The following KCNMA1 variants were observed in gnomAD, a reference collection of about 807,000 sequenced individuals.
KCNMA1 encodes potassium calcium-activated channel subfamily M alpha 1.
Under a neutral mutation model 140.0 loss-of-function variants are expected in KCNMA1, and 29 were observed. The observed-to-expected ratio is 0.21, with a 90% confidence interval of 0.15 to 0.28. The LOEUF is 0.28. Among genes scored for constraint, KCNMA1 ranks in the 10% least tolerant of loss-of-function variants. The probability of loss-of-function intolerance (pLI) is 1.00; values close to 1 mark genes in which losing one functional copy is unlikely to be tolerated. For synonymous variants in KCNMA1, 612 were observed against 611.9 expected (o/e 1.00, Z 0.00); for missense variants, 880 against 1,602.2 (o/e 0.55, Z 7.70).
At chr10:77,605,374 G>A (rs1016566808) in intron 1 of KCNMA1, among the ~76,000 whole-genome samples, 56 of 152,218 alleles carry the variant, frequency 3.7e-4, no homozygotes, top group Non-Finnish European at 5.3e-4. Flanking sequence ...CAAGTGGGAC[G>A]TGATTCCCAT....
intron 1 of KCNMA1, among the ~76,000 whole-genome samples, chr10:77,412,408 G>A (rs2096639666): frequency 6.6e-6 from 1 of 152,114 alleles, no homozygotes; most frequent in Admixed American, 6.5e-5. Flanking sequence ...TGTTGAAACT[G>A]ACCCAGCAGC....
rs559707657 is a variant in KCNMA1 at position 77,190,653 on chromosome 10, GA to G, written c.603-5738del. Among the ~76,000 whole-genome samples, 29 of 152,286 alleles carry G rather than the reference GA, an allele frequency of 1.9e-4. 1 individual carries two copies. In the South Asian group the frequency reaches 6.0e-3, roughly 32 times the overall value. ...CTGATGTGTCTGTTGGGTGGTCTAG[GA>G]AAATGCAGAGGAAGCAGATGTATTC... On this transcript the variant is annotated intron_variant, in intron 3 of 27. Coordinates refer to ENST00000286628, the MANE Select transcript of KCNMA1 (RefSeq NM_001161352.2).
intron 1 of KCNMA1, among the ~76,000 whole-genome samples, chr10:77,592,108 G>A (rs557058688): frequency 1.3e-5 from 2 of 152,242 alleles, no homozygotes; most frequent in East Asian, 3.9e-4. Context: ...GGAGGGAGCA[G>A]ATATTCCAGT....
chr10:77,532,873 G>C (rs1196123225), intron 1 of KCNMA1, among the ~76,000 whole-genome samples: 1 of 152,128 alleles, frequency 6.6e-6, no homozygotes, highest in East Asian at 1.9e-4. Flanking sequence ...ACTAACTTCT[G>C]AGTCCGGGCT....
At chr10:77,522,046 G>A (rs1209423619) in intron 1 of KCNMA1, among the ~76,000 whole-genome samples, 1 of 152,008 alleles carries the variant, frequency 6.6e-6, no homozygotes, top group Non-Finnish European at 1.5e-5. Flanking sequence ...GTGGTGGCAG[G>A]TCCCTGTAAT....
At chr10:77,134,928 G>A (rs1384413342) in intron 5 of KCNMA1, among the ~76,000 whole-genome samples, 2 of 135,000 alleles carry the variant, frequency 1.5e-5, no homozygotes, top group African/African-American at 2.7e-5. Context: ...AACCCGGGAG[G>A]TGGAGATTGC....
intron 15 of KCNMA1, among the ~76,000 whole-genome samples, chr10:77,035,068 C>T (rs2094226141): frequency 6.6e-6 from 1 of 152,178 alleles, no homozygotes; most frequent in Non-Finnish European, 1.5e-5. Context: ...ACCAAAAACA[C>T]TGTTATCAGT....
chr10:77,223,838 G>A (rs987481059), intron 3 of KCNMA1, among the ~76,000 whole-genome samples: 1 of 152,080 alleles, frequency 6.6e-6, no homozygotes, highest in Non-Finnish European at 1.5e-5. Context: ...GTTCACGCAA[G>A]GAATCAAACA....
intron 12 of KCNMA1, among the ~76,000 whole-genome samples, chr10:77,083,725 C>T (rs1340131493): frequency 6.6e-6 from 1 of 151,150 alleles, no homozygotes; most frequent in Non-Finnish European, 1.5e-5. Context: ...GCCTCGGCTA[C>T]TTGGGAGGCT....
intron 2 of KCNMA1, among the ~76,000 whole-genome samples, chr10:77,386,175 T>A (rs1007506341): frequency 2.0e-5 from 3 of 152,346 alleles, no homozygotes; most frequent in Admixed American, 2.0e-4. Flanking sequence ...CTTGAGCAGC[T>A]GGAAACACTG....
At chr10:76,971,580 A>C (rs898554682) in intron 19 of KCNMA1, among the ~76,000 whole-genome samples, 1 of 152,126 alleles carries the variant, frequency 6.6e-6, no homozygotes, top group African/African-American at 2.4e-5. Flanking sequence ...GAGTGAGACC[A>C]GAAGAGATGA....
At chr10:76,957,918 A>C (rs2153029921) in intron 20 of KCNMA1, among the ~76,000 whole-genome samples, 1 of 152,244 alleles carries the variant, frequency 6.6e-6, no homozygotes, top group South Asian at 2.1e-4. Context: ...AGACAGTATA[A>C]ATTTCTTTAC....
chr10:77,428,511 G>T (rs1291935250), intron 1 of KCNMA1, among the ~76,000 whole-genome samples: 1 of 152,212 alleles, frequency 6.6e-6, no homozygotes, highest in Non-Finnish European at 1.5e-5. Context: ...CCCAGAGAAG[G>T]AAGGAAAACT....
chr10:77,175,098 G>A lies in KCNMA1; in HGVS notation c.808+8323C>T, dbSNP rs960171302. Among the ~76,000 whole-genome samples the A allele has an allele frequency of 7.2e-5, 11 of 152,156 alleles. No homozygotes were observed. In the East Asian group the frequency reaches 1.6e-3, roughly 21 times the overall value. ...ACACAGACTGCTGGCTCCAACTCGC[G>A]GTTTCTGATCCCTGGGTCTCGGTTG... On this transcript the variant is annotated intron_variant, in intron 5 of 27. Coordinates refer to ENST00000286628, the MANE Select transcript of KCNMA1 (RefSeq NM_001161352.2).
chr10:77,317,318 T>G (rs1309108294), intron 2 of KCNMA1, among the ~76,000 whole-genome samples: 1 of 152,142 alleles, frequency 6.6e-6, no homozygotes, highest in Non-Finnish European at 1.5e-5. Flanking sequence ...CCTATTGCAC[T>G]CCACCAAGAT....
intron 20 of KCNMA1, among the ~76,000 whole-genome samples, chr10:76,963,209 C>T (rs534768996): frequency 1.3e-5 from 2 of 152,334 alleles, no homozygotes; most frequent in Admixed American, 6.5e-5. Context: ...TCACTTCAAG[C>T]TCCTCTCACT....
At chr10:77,461,224 C>A (rs989814370) in intron 1 of KCNMA1, among the ~76,000 whole-genome samples, 3 of 54,728 alleles carry the variant, frequency 5.5e-5, no homozygotes, top group Non-Finnish European at 1.0e-4. Context: ...CACTTGTACT[C>A]CCTCTTTTTT....
At chr10:77,026,883 A>G (rs1442789111) in intron 16 of KCNMA1, among the ~76,000 whole-genome samples, 1 of 152,216 alleles carries the variant, frequency 6.6e-6, no homozygotes, top group East Asian at 1.9e-4. Context: ...AAATGATGAT[A>G]AAAGGAAACG....
intron 3 of KCNMA1, among the ~76,000 whole-genome samples, chr10:77,212,250 T>C (rs2046318567): frequency 6.6e-6 from 1 of 152,126 alleles, no homozygotes; most frequent in African/African-American, 2.4e-5. Flanking sequence ...ATACACATCA[T>C]GGAATATTAA....
Sources: allele counts gnomAD v4.1 joint callset (sites outside exome capture counted in the v4.1 genomes callset), GRCh38; gene constraint gnomAD v4.1.1; transcripts MANE v1.5; gene names NCBI Gene and HGNC (gene_info 2026-07-23, HGNC 2026-07-21).